Variants in CAMTA1 observed in about 807,000 individuals in gnomAD.
CAMTA1 encodes calmodulin binding transcription activator 1.
In CAMTA1, 27 loss-of-function variants were observed where a neutral mutation model predicts 170.9. The ratio of observed to expected loss-of-function variants is 0.16; its 90% CI spans 0.12 to 0.22. The LOEUF (loss-of-function observed/expected upper bound fraction) is 0.22. CAMTA1 is among the 10% of genes least tolerant of loss of function. The pLI, the probability that CAMTA1 is intolerant of heterozygous loss-of-function variation, is 1.00. For synonymous variants in CAMTA1, 833 were observed against 891.5 expected, an observed-to-expected ratio of 0.93 and a Z score of 1.17; for missense variants, 1,619 against 2,217.2, an observed-to-expected ratio of 0.73 and a Z score of 5.42.
At chr1:6,800,800 T>TA (rs552717099) in intron 1 of CAMTA1, among the ~76,000 whole-genome samples, 221 of 152,318 alleles carry the variant, frequency 1.5e-3, no homozygotes, top group African/African-American at 5.1e-3. Context: ...GGGCCTCCTA[T>TA]AGGCCTCGCG....
At chr1:6,817,937 A>G (rs1476399688) in intron 1 of CAMTA1, among the ~76,000 whole-genome samples, 2 of 152,216 alleles carry the variant, frequency 1.3e-5, no homozygotes, top group East Asian at 3.8e-4. Flanking sequence ...CTTTATTTAT[A>G]TGGACCCTGA....
At position 7,738,339 on chromosome 1, in the gene CAMTA1, G is replaced by A. The variant is rs760335798; in HGVS notation, c.4039G>A (p.Glu1347Lys). 1 of 1,614,194 alleles carries A rather than the reference G, an allele frequency of 6.2e-7. No individual in the cohort carries two copies. Among genetic ancestry groups the A allele is most frequent in the Non-Finnish European group, 8.5e-7 (1 of 1,180,036 alleles). ...TCCGAAGGGGACCAGTGTAGGAAAGGAGGCAGCACCTTCACAGGTGCGTCC... is the reference window on the plus strand; with the variant it reads ...TCCGAAGGGGACCAGTGTAGGAAAGAAGGCAGCACCTTCACAGGTGCGTCC... Reference protein sequence around the residue: ...GNPKGTSVGKEAAPSQVRPRE... With the variant: ...GNPKGTSVGKKAAPSQVRPRE... The change falls in exon 16 of 23, where the codon GAG becomes AAG. Residue 1347 changes from glutamate (E) to lysine (K), a missense_variant. Physicochemically the swap from Glu to Lys is moderately conservative, Grantham distance 56. Coordinates refer to ENST00000303635, the MANE Select transcript of CAMTA1 (RefSeq NM_015215.4). The surrounding 1 kb of genome is among the most constrained non-coding windows in gnomAD (Gnocchi z 4.9).
rs763326048 is a variant in CAMTA1 at position 7,106,290 on chromosome 1, AAGGAGG to A, written c.302+14931_302+14936del. On this transcript the variant is annotated intron_variant, in intron 4 of 22. Transcript: ENST00000303635. ...AGAGAGAGAAAGAAAGAAGGAGAAG[AAGGAGG>A]AGGAGGAGGAGACGAAAGAGGAGGA... 4.6e-5 allele frequency among the ~76,000 whole-genome samples: 7 copies of A among 151,824 alleles called. No individual in the cohort carries two copies. In the South Asian group the frequency reaches 6.3e-4, roughly 14 times the overall value.
intron 5 of CAMTA1, among the ~76,000 whole-genome samples, chr1:7,282,160 TA>T (rs1375124850): frequency 2.0e-5 from 3 of 152,124 alleles, no homozygotes; most frequent in Non-Finnish European, 4.4e-5. Context: ...TAGACTATAT[TA>T]AAAATACCTC....
At chr1:7,033,961 T>C (rs893835404) in intron 3 of CAMTA1, among the ~76,000 whole-genome samples, 1 of 152,206 alleles carries the variant, frequency 6.6e-6, no homozygotes, top group Non-Finnish European at 1.5e-5. Flanking sequence ...AGTTTAACCC[T>C]TTCACATTTC....
At chr1:7,399,428 A>T (rs1372120709) in intron 5 of CAMTA1, among the ~76,000 whole-genome samples, 1 of 152,230 alleles carries the variant, frequency 6.6e-6, no homozygotes, top group Non-Finnish European at 1.5e-5. Context: ...TCTTTTCTTT[A>T]TAAGCTACCC....
At position 7,435,863 on chromosome 1, in the gene CAMTA1, C is replaced by T. The variant is rs561485485; in HGVS notation, c.439-31967C>T. Among the ~76,000 whole-genome samples the T allele has an allele frequency of 7.9e-5, 12 of 152,256 alleles. No individual in the cohort carries two copies. Among genetic ancestry groups the T allele is most frequent in the Admixed American group, 3.9e-4 (6 of 15,306 alleles). On this transcript the variant is annotated intron_variant, in intron 5 of 22. Transcript: ENST00000303635. The surrounding 1 kb of genome is among the most constrained non-coding windows in gnomAD (Gnocchi z 4.4). ...CCTTCTGGCAGGGCTTGCATGCCTC[C>T]GAGCTCACAGCATGACCCAGGGGCC...
At chr1:6,818,862 A>C (rs982164780) in intron 1 of CAMTA1, among the ~76,000 whole-genome samples, 7 of 151,434 alleles carry the variant, frequency 4.6e-5, no homozygotes, top group African/African-American at 1.2e-4. Flanking sequence ...GCTGGTCTTT[A>C]ACTCCTAAGC....
At chr1:7,167,887 T>A (rs544514645) in intron 4 of CAMTA1, among the ~76,000 whole-genome samples, 141 of 152,216 alleles carry the variant, frequency 9.3e-4, no homozygotes, top group Non-Finnish European at 1.8e-3. Context: ...TAGCTAGGAC[T>A]ACAGGCATGT....
At chr1:7,741,010 CAAACAGT>C (rs1159890479) in intron 16 of CAMTA1, among the ~76,000 whole-genome samples, 1 of 152,142 alleles carries the variant, frequency 6.6e-6, no homozygotes, top group Non-Finnish European at 1.5e-5. Flanking sequence ...AGTGAACAAT[CAAACAGT>C]AAAACTGAGC....
At chr1:7,117,157 G>T (rs1191514811) in intron 4 of CAMTA1, among the ~76,000 whole-genome samples, 2 of 151,684 alleles carry the variant, frequency 1.3e-5, no homozygotes, top group African/African-American at 2.4e-5. Context: ...TTTTAGTACA[G>T]ATGGGGTTTC....
At chr1:7,689,611 C>T (rs1365367824) in intron 11 of CAMTA1, among the ~76,000 whole-genome samples, 1 of 152,052 alleles carries the variant, frequency 6.6e-6, no homozygotes, top group East Asian at 1.9e-4. Context: ...AGAGGGAAAA[C>T]AGTTGATACA....
Position 7,270,715 on chromosome 1 carries a change from G to A in CAMTA1, c.438+21089G>A, listed in dbSNP as rs74666195. Among the ~76,000 whole-genome samples, 1,332 of 152,286 alleles carry A rather than the reference G, an allele frequency of 8.7e-3. 13 individuals carry two copies. Among genetic ancestry groups the A allele is most frequent in the African/African-American group, 0.029 (1,215 of 41,550 alleles). ...GGTAAATATGGCTGGACACAGTTAT[G>A]TGCTCTTGTAATCACAGATACTTGG... On this transcript the variant is annotated intron_variant, in intron 5 of 22. Transcript: ENST00000303635.
intron 3 of CAMTA1, among the ~76,000 whole-genome samples, chr1:6,973,595 T>G (rs577299155): frequency 6.6e-6 from 1 of 152,342 alleles, no homozygotes; most frequent in South Asian, 2.1e-4. Context: ...ACGGGAGTGC[T>G]AATATCTCTT....
chr1:7,478,392 G>T (rs974985310), intron 6 of CAMTA1, among the ~76,000 whole-genome samples: 2 of 152,086 alleles, frequency 1.3e-5, no homozygotes, highest in African/African-American at 2.4e-5. Context: ...CACCCTCCCC[G>T]AGCCTCTCTG....
At chr1:7,520,273 C>A (rs1438761929) in intron 6 of CAMTA1, among the ~76,000 whole-genome samples, 1 of 89,606 alleles carries the variant, frequency 1.1e-5, no homozygotes, top group African/African-American at 5.3e-5. Flanking sequence ...TGCCTAAAAA[C>A]CAAATGAGAG....
rs377105515 is a variant in CAMTA1 at position 6,797,678 on chromosome 1, C to T, written c.45+12103C>T. Reference sequence around the variant, plus strand: ...CTGGGATTACAGACGTGAGCCACCGCGCCTGTCTTGAGATGACTTTTTAAA... The same window carrying T: ...CTGGGATTACAGACGTGAGCCACCGTGCCTGTCTTGAGATGACTTTTTAAA... On this transcript the variant is annotated intron_variant, in intron 1 of 22. Coordinates refer to ENST00000303635, the MANE Select transcript of CAMTA1 (RefSeq NM_015215.4). Among the ~76,000 whole-genome samples, 32 of 152,144 alleles carry T rather than the reference C, an allele frequency of 2.1e-4. No homozygotes were observed. In the East Asian group the frequency reaches 3.1e-3, roughly 15 times the overall value.
At chr1:6,976,441 G>T (rs1480475115) in intron 3 of CAMTA1, among the ~76,000 whole-genome samples, 1 of 152,192 alleles carries the variant, frequency 6.6e-6, no homozygotes, top group Non-Finnish European at 1.5e-5. Context: ...GTGTTGGCAG[G>T]CACAGAGTTC....
At chr1:7,669,893 C>T (rs924379821) in intron 9 of CAMTA1, among the ~76,000 whole-genome samples, 1 of 152,228 alleles carries the variant, frequency 6.6e-6, no homozygotes, top group African/African-American at 2.4e-5. Context: ...CCACCTCGCA[C>T]CTCCCTCTCT....
Sources: allele counts gnomAD v4.1 joint callset (sites outside exome capture counted in the v4.1 genomes callset), GRCh38; gene constraint gnomAD v4.1.1; non-coding constraint Gnocchi (gnomAD v3.1); transcripts MANE v1.5; gene names NCBI Gene and HGNC (gene_info 2026-07-23, HGNC 2026-07-21).